Variants in SLC10A7 observed in about 807,000 individuals in gnomAD.
SLC10A7 encodes solute carrier family 10 member 7.
SLC10A7 carries 29 observed loss-of-function variants against 43.2 expected under a neutral mutation model. The ratio of observed to expected loss-of-function variants is 0.67; its 90% CI spans 0.50 to 0.92. The LOEUF (loss-of-function observed/expected upper bound fraction) is 0.92, where lower values mean the gene tolerates loss of function less well. Ranked by LOEUF, SLC10A7 falls within the 40% of genes least tolerant of loss-of-function variation. SLC10A7 has a pLI of 0.00. For missense variants in SLC10A7, 295 were observed against 403.2 expected (o/e 0.73, Z 2.30); for synonymous variants, 152 against 144.8 (o/e 1.05, Z -0.35).
intron 9 of SLC10A7, among the ~76,000 whole-genome samples, chr4:146,287,229 T>G (rs1287902938): frequency 6.6e-6 from 1 of 151,992 alleles, no homozygotes; most frequent in East Asian, 1.9e-4. Context: ...GGACCGTCTT[T>G]GGAGTGGTAA....
At chr4:146,275,120 C>T (rs1250878231) in intron 10 of SLC10A7, among the ~76,000 whole-genome samples, 2 of 152,152 alleles carry the variant, frequency 1.3e-5, no homozygotes, top group African/African-American at 2.4e-5. Flanking sequence ...TTACATGTGT[C>T]GGACATCAGG....
chr4:146,451,644 T>C (rs942651342), intron 4 of SLC10A7, among the ~76,000 whole-genome samples: 1 of 152,140 alleles, frequency 6.6e-6, no homozygotes, highest in African/African-American at 2.4e-5. Context: ...ATTACCTCAA[T>C]AGATGCAGAA....
At chr4:146,494,004 T>C (rs1435210611) in intron 4 of SLC10A7, among the ~76,000 whole-genome samples, 1 of 152,204 alleles carries the variant, frequency 6.6e-6, no homozygotes, top group Non-Finnish European at 1.5e-5. Context: ...ATTTAGAAGA[T>C]CAAGTTCTTG....
At position 146,521,599 on chromosome 4, in the gene SLC10A7, G is replaced by T; in HGVS notation, c.100+19C>A. On this transcript the variant is annotated intron_variant, in intron 1 of 11. Transcript: ENST00000335472. Reference sequence around the variant, plus strand: ...TGAAGTGGGAGCCGCGGTGGAGCCGGCAGAGGTGCAGCACTTACCCCCATT... The same window carrying T: ...TGAAGTGGGAGCCGCGGTGGAGCCGTCAGAGGTGCAGCACTTACCCCCATT... 6.3e-7 allele frequency: 1 copy of T among 1,597,652 alleles called. No individual in the cohort carries two copies. Among genetic ancestry groups the T allele is most frequent in the Non-Finnish European group, 8.6e-7 (1 of 1,166,612 alleles).
chr4:146,402,954 C>T (rs1179072620), intron 5 of SLC10A7, among the ~76,000 whole-genome samples: 1 of 152,154 alleles, frequency 6.6e-6, no homozygotes, highest in African/African-American at 2.4e-5. Context: ...CACAGACTAG[C>T]AGTGTAGTCT....
At chr4:146,393,866 T>A (rs1738624871) in intron 5 of SLC10A7, among the ~76,000 whole-genome samples, 1 of 152,186 alleles carries the variant, frequency 6.6e-6, no homozygotes, top group Non-Finnish European at 1.5e-5. Context: ...ATAAGAGCAA[T>A]TATTCTGGGA....
At chr4:146,392,416 T>C (rs997739466) in intron 5 of SLC10A7, among the ~76,000 whole-genome samples, 1 of 152,190 alleles carries the variant, frequency 6.6e-6, no homozygotes, top group Admixed American at 6.5e-5. Flanking sequence ...GCTGTCTCTC[T>C]AGTGGGAGAT....
rs530245362 is a variant in SLC10A7 at position 146,358,649 on chromosome 4, T to C, written c.436-32653A>G. Among the ~76,000 whole-genome samples, 6 of 152,312 alleles carry C rather than the reference T, an allele frequency of 3.9e-5. No homozygotes were observed. The East Asian group carries it at 1.2e-3, about 29-fold the overall frequency. On this transcript the variant is annotated intron_variant, in intron 5 of 11. Coordinates refer to ENST00000335472, the MANE Select transcript of SLC10A7 (RefSeq NM_001029998.6). ...CTCTTAATGCCTGCCTTCTTTTACT[T>C]AGTATTATTAATATATCTGTGATAG... is the stretch of plus-strand genomic sequence containing the variant.
intron 7 of SLC10A7, among the ~76,000 whole-genome samples, chr4:146,300,855 A>G (rs2111228191): frequency 6.6e-6 from 1 of 152,348 alleles, no homozygotes; most frequent in East Asian, 1.9e-4. Flanking sequence ...TACTATATAC[A>G]GACCTAAAAA....
At chr4:146,518,867 T>C in intron 1 of SLC10A7, among the ~76,000 whole-genome samples, 1 of 151,434 alleles carries the variant, frequency 6.6e-6, no homozygotes. Context: ...GACCTCAGAC[T>C]TCTGGCTTCT....
At chr4:146,265,741 CTA>C (rs1728510973) in intron 10 of SLC10A7, among the ~76,000 whole-genome samples, 1 of 152,150 alleles carries the variant, frequency 6.6e-6, no homozygotes, top group South Asian at 2.1e-4. Context: ...AGAACAAATA[CTA>C]GTTGCTTCAC....
At chr4:146,499,055 C>T (rs1318501167) in intron 4 of SLC10A7, among the ~76,000 whole-genome samples, 4 of 152,076 alleles carry the variant, frequency 2.6e-5, no homozygotes, top group Non-Finnish European at 5.9e-5. Context: ...AACAAATATG[C>T]TATACAACCA....
chr4:146,293,309 A>C (rs1179823618), intron 8 of SLC10A7, among the ~76,000 whole-genome samples: 1 of 152,252 alleles, frequency 6.6e-6, no homozygotes, highest in Non-Finnish European at 1.5e-5. Flanking sequence ...GCAGTAGCAT[A>C]CAATATACTT....
intron 7 of SLC10A7, among the ~76,000 whole-genome samples, chr4:146,298,380 A>G (rs972810916): frequency 2.0e-5 from 3 of 152,182 alleles, no homozygotes; most frequent in African/African-American, 7.2e-5. Context: ...ATATAATGCT[A>G]TAAGTGTAAA....
At chr4:146,266,541 C>G (rs1214380219) in intron 10 of SLC10A7, among the ~76,000 whole-genome samples, 1 of 152,074 alleles carries the variant, frequency 6.6e-6, no homozygotes, top group African/African-American at 2.4e-5. Flanking sequence ...AATAACTAAA[C>G]AAAGGGGCAA....
At chr4:146,445,346 G>A (rs1481151154) in intron 4 of SLC10A7, among the ~76,000 whole-genome samples, 3 of 152,142 alleles carry the variant, frequency 2.0e-5, no homozygotes, top group African/African-American at 4.8e-5. Context: ...TTACAGGAGC[G>A]AGCACACAAG....
At chr4:146,260,907 T>A (rs1465399966) in intron 10 of SLC10A7, among the ~76,000 whole-genome samples, 1 of 152,064 alleles carries the variant, frequency 6.6e-6, no homozygotes, top group Admixed American at 6.6e-5. Context: ...CACCAGGACG[T>A]CCCTGTGATT....
At chr4:146,509,658 C>T (rs1439567563) in intron 3 of SLC10A7, among the ~76,000 whole-genome samples, 1 of 152,114 alleles carries the variant, frequency 6.6e-6, no homozygotes, top group Non-Finnish European at 1.5e-5. Flanking sequence ...CTTCCAAGAC[C>T]ACTCTAAAAT....
chr4:146,464,934 A>G (rs945539972), intron 4 of SLC10A7, among the ~76,000 whole-genome samples: 2 of 152,140 alleles, frequency 1.3e-5, no homozygotes, highest in East Asian at 1.9e-4. Flanking sequence ...TAGAAAAGAT[A>G]AAGTTGAAGA....
Sources: allele counts gnomAD v4.1 joint callset (sites outside exome capture counted in the v4.1 genomes callset), GRCh38; gene constraint gnomAD v4.1.1; transcripts MANE v1.5; gene names NCBI Gene and HGNC (gene_info 2026-07-23, HGNC 2026-07-21).